IQCJ: variants seen among roughly 807,000 people sequenced by gnomAD.
IQCJ encodes the protein IQ domain-containing protein J.
In IQCJ, 9 loss-of-function variants were observed where a neutral mutation model predicts 11.0. That is an observed-to-expected ratio of 0.82 (90% CI 0.49 to 1.43). The LOEUF (loss-of-function observed/expected upper bound fraction) is 1.43, where lower values mean the gene tolerates loss of function less well. Ranked by LOEUF, IQCJ falls within the 40% of genes most tolerant of loss-of-function variation. IQCJ has a pLI of 0.00. For synonymous variants in IQCJ, 55 were observed against 51.3 expected (o/e 1.07, Z -0.31); for missense variants, 146 against 133.2 (o/e 1.10, Z -0.47).
rs6781499 is a variant in IQCJ at position 159,132,502 on chromosome 3, G to A, written c.9+63061G>A. On this transcript the variant is annotated intron_variant, in intron 1 of 3. Transcript: ENST00000397832. ...ATAATTTCCAGTAGGAGAAAGATGG[G>A]TGAGTAATGAAGTTGTGTGACCAGA... Among the ~76,000 whole-genome samples the A allele has an allele frequency of 6.8e-3, 1,038 of 152,248 alleles. 13 individuals are homozygous for A. Among genetic ancestry groups the A allele is most frequent in the African/African-American group, 0.023 (975 of 41,560 alleles).
chr3:159,088,309 T>C (rs1202876845), intron 1 of IQCJ, among the ~76,000 whole-genome samples: 1 of 152,168 alleles, frequency 6.6e-6, no homozygotes, highest in East Asian at 1.9e-4. Context: ...TCTGTTCTTT[T>C]ACATTTGCTG....
chr3:159,254,100 A>G (rs1727759319), intron 3 of IQCJ, among the ~76,000 whole-genome samples: 1 of 152,226 alleles, frequency 6.6e-6, no homozygotes, highest in South Asian at 2.1e-4. Context: ...GCCTCACTAC[A>G]CAGGACATTA....
chr3:159,255,140 C>T (rs893271030), intron 3 of IQCJ, among the ~76,000 whole-genome samples: 4 of 152,318 alleles, frequency 2.6e-5, no homozygotes, highest in Admixed American at 2.0e-4. Flanking sequence ...TGTATTATCA[C>T]AGGCTTTCTC....
At chr3:159,165,117 T>G (rs1722091563) in intron 1 of IQCJ, among the ~76,000 whole-genome samples, 1 of 152,146 alleles carries the variant, frequency 6.6e-6, no homozygotes, top group Admixed American at 6.5e-5. Context: ...GAAAGAAAGG[T>G]GAAATGGATG....
intron 1 of IQCJ, among the ~76,000 whole-genome samples, chr3:159,189,458 T>C (rs1723557471): frequency 6.6e-6 from 1 of 152,208 alleles, no homozygotes; most frequent in African/African-American, 2.4e-5. Context: ...AGTATTGTTC[T>C]AGCAAATTTT....
At chr3:159,074,013 T>C (rs1191158173) in intron 1 of IQCJ, among the ~76,000 whole-genome samples, 1 of 152,034 alleles carries the variant, frequency 6.6e-6, no homozygotes, top group African/African-American at 2.4e-5. Flanking sequence ...TTAGAAGGAA[T>C]GGGGGTAGTT....
chr3:159,152,375 A>C (rs1408318697), intron 1 of IQCJ, among the ~76,000 whole-genome samples: 4 of 152,140 alleles, frequency 2.6e-5, no homozygotes, highest in African/African-American at 7.2e-5. Context: ...CCCAGCATCC[A>C]CTATCATGTT....
At chr3:159,211,494 G>A (rs1024200226) in intron 1 of IQCJ, among the ~76,000 whole-genome samples, 3 of 152,218 alleles carry the variant, frequency 2.0e-5, no homozygotes, top group Admixed American at 1.3e-4. Flanking sequence ...TGGTCACTCT[G>A]TAGATGAGGG....
chr3:159,258,282 C>G (rs1728007622), intron 3 of IQCJ, among the ~76,000 whole-genome samples: 1 of 152,064 alleles, frequency 6.6e-6, no homozygotes, highest in Non-Finnish European at 1.5e-5. Context: ...CAGTACAATC[C>G]CCAGAGCAGC....
intron 1 of IQCJ, among the ~76,000 whole-genome samples, chr3:159,146,255 G>T (rs1286777339): frequency 6.6e-6 from 1 of 152,134 alleles, no homozygotes; most frequent in Non-Finnish European, 1.5e-5. Flanking sequence ...GATGCCATTT[G>T]TTTGAGTGGA....
At chr3:159,163,551 G>T (rs573622139) in intron 1 of IQCJ, among the ~76,000 whole-genome samples, 5 of 152,270 alleles carry the variant, frequency 3.3e-5, no homozygotes, top group African/African-American at 1.2e-4. Context: ...TTTTAGTAGA[G>T]ATGGGGTTTC....
Position 159,149,389 on chromosome 3 carries a change from A to T in IQCJ, c.9+79948A>T, listed in dbSNP as rs142207066. Among the ~76,000 whole-genome samples, 800 of 152,266 alleles carry T rather than the reference A, an allele frequency of 5.3e-3. 2 individuals carry two copies. The highest frequency in any genetic ancestry group is 6.5e-3 in the Admixed American group (100 of 15,296). On this transcript the variant is annotated intron_variant, in intron 1 of 3. Coordinates refer to ENST00000397832, the MANE Select transcript of IQCJ (RefSeq NM_001042706.3). ...GAACGGTAGCTCTTTCAGATATTAG[A>T]TGTGAACAGCTTCTATCGTACAGTT...
intron 1 of IQCJ, among the ~76,000 whole-genome samples, chr3:159,241,363 C>T (rs1016162534): frequency 6.6e-6 from 1 of 151,752 alleles, no homozygotes; most frequent in African/African-American, 2.4e-5. Context: ...GAGCCGAGAT[C>T]GCACCACTGT....
At chr3:159,081,695 T>C (rs1310095526) in intron 1 of IQCJ, among the ~76,000 whole-genome samples, 1 of 152,116 alleles carries the variant, frequency 6.6e-6, no homozygotes, top group Non-Finnish European at 1.5e-5. Flanking sequence ...CTATTCTAAC[T>C]CTTCTTCACA....
chr3:159,154,904 C>T (rs4469016), intron 1 of IQCJ, among the ~76,000 whole-genome samples: 68,213 of 151,862 alleles, frequency 0.45, 15,555 homozygotes, highest in South Asian at 0.57. Flanking sequence ...GCCTCTCCTT[C>T]CTCTCCCTCC....
intron 1 of IQCJ, among the ~76,000 whole-genome samples, chr3:159,108,889 A>C (rs1030319883): frequency 1.3e-5 from 2 of 152,212 alleles, no homozygotes; most frequent in Non-Finnish European, 2.9e-5. Flanking sequence ...ATAAAATGGC[A>C]CTCATGACCA....
intron 1 of IQCJ, among the ~76,000 whole-genome samples, chr3:159,114,530 C>T (rs985794902): frequency 6.0e-5 from 8 of 132,270 alleles, no homozygotes; most frequent in East Asian, 2.3e-4. Flanking sequence ...AGGCTGGTCT[C>T]GAACTCCTGA....
At chr3:159,198,735 A>G (rs1654770932) in intron 1 of IQCJ, among the ~76,000 whole-genome samples, 1 of 152,330 alleles carries the variant, frequency 6.6e-6, no homozygotes, top group African/African-American at 2.4e-5. Context: ...ATTGGTTGGT[A>G]TGAGATTCAA....
In IQCJ at chr3:159,107,923, A is replaced by G. The variant is rs190581829; in HGVS notation, c.9+38482A>G. ...AGGCAGCTTCTCCCCTGAAGAACTCACTGCCACGCTCTGCTCCTGCTTGCA... is the reference window on the plus strand; with the variant it reads ...AGGCAGCTTCTCCCCTGAAGAACTCGCTGCCACGCTCTGCTCCTGCTTGCA... On this transcript the variant is annotated intron_variant, in intron 1 of 3. Transcript: ENST00000397832. Among the ~76,000 whole-genome samples the G allele has an allele frequency of 9.9e-4, 145 of 146,832 alleles. 1 individual carries two copies. The East Asian group carries it at 0.028, about 28-fold the overall frequency.
Sources: allele counts gnomAD v4.1 joint callset (sites outside exome capture counted in the v4.1 genomes callset), GRCh38; gene constraint gnomAD v4.1.1; transcripts MANE v1.5; gene names NCBI Gene and HGNC (gene_info 2026-07-23, HGNC 2026-07-21).